Variants in PCCA observed in about 807,000 individuals in gnomAD.
The protein encoded by PCCA is propionyl-CoA carboxylase subunit alpha.
Under a neutral mutation model 101.3 loss-of-function variants are expected in PCCA, and 74 were observed. The observed-to-expected ratio is 0.73, with a 90% confidence interval of 0.61 to 0.89. PCCA has a LOEUF of 0.89. PCCA is among the 40% of genes least tolerant of loss of function. PCCA has a pLI of 0.00. For synonymous variants in PCCA, 294 were observed against 313.6 expected (o/e 0.94, Z 0.66); for missense variants, 891 against 907.0 (o/e 0.98, Z 0.23).
chr13:100,439,364 G>A (rs370396116), intron 20 of PCCA, among the ~76,000 whole-genome samples: 1 of 151,908 alleles, frequency 6.6e-6, no homozygotes, highest in African/African-American at 2.4e-5. Context: ...TTTTTAAAAC[G>A]TGGAATGATT....
chr13:100,200,928 CCTCTGTG>C (rs1271428475), intron 6 of PCCA, among the ~76,000 whole-genome samples: 1 of 152,012 alleles, frequency 6.6e-6, no homozygotes, highest in Non-Finnish European at 1.5e-5. Context: ...CTCTTTGTTG[CCTCTGTG>C]TATCTTCATT....
At chr13:100,454,093 G>A (rs1286173846) in intron 21 of PCCA, among the ~76,000 whole-genome samples, 1 of 151,706 alleles carries the variant, frequency 6.6e-6, no homozygotes, top group Non-Finnish European at 1.5e-5. Context: ...GGATGGTCTC[G>A]ATCTCCTGAC....
intron 4 of PCCA, among the ~76,000 whole-genome samples, chr13:100,146,400 C>T (rs927181985): frequency 1.3e-5 from 2 of 151,666 alleles, no homozygotes; most frequent in African/African-American, 4.8e-5. Flanking sequence ...CATGGTGAAA[C>T]CCCGTCTCCA....
At chr13:100,401,606 T>A (rs552301903) in intron 19 of PCCA, among the ~76,000 whole-genome samples, 26 of 152,292 alleles carry the variant, frequency 1.7e-4, no homozygotes, top group Middle Eastern at 3.4e-3. Flanking sequence ...CATGAGTGAA[T>A]GTAGCTTGCT....
chr13:100,356,485 A>G (rs767265146), intron 18 of PCCA, among the ~76,000 whole-genome samples: 3 of 152,190 alleles, frequency 2.0e-5, no homozygotes, highest in Non-Finnish European at 4.4e-5. Flanking sequence ...GAAATGGCCA[A>G]TAAGCCCATA....
intron 6 of PCCA, among the ~76,000 whole-genome samples, chr13:100,203,367 TCTGGTCCCTTTTTCTTTGC>T (rs1281595719): frequency 6.6e-6 from 1 of 152,102 alleles, no homozygotes; most frequent in Admixed American, 6.5e-5. Context: ...TGGATGTTAC[TCTGGTCCCTTTTTCTTTGC>T]CTTATAAAAA....
At chr13:100,209,960 T>C (rs990551496) in intron 7 of PCCA, among the ~76,000 whole-genome samples, 4 of 150,842 alleles carry the variant, frequency 2.7e-5, no homozygotes, top group Admixed American at 6.6e-5. Context: ...CTGGATTATT[T>C]TATTATTTTT....
chr13:100,226,475 C>CT, intron 7 of PCCA, among the ~76,000 whole-genome samples: 1 of 152,208 alleles, frequency 6.6e-6, no homozygotes, highest in Admixed American at 6.5e-5. Context: ...GGCGTTGACA[C>CT]TAATACCACT....
intron 1 of PCCA, among the ~76,000 whole-genome samples, chr13:100,101,619 T>G (rs1181252271): frequency 6.6e-6 from 1 of 152,148 alleles, no homozygotes; most frequent in Non-Finnish European, 1.5e-5. Context: ...TAATTTTTTC[T>G]GAGGAGTTTC....
chr13:100,404,450 A>C (rs1283282), intron 19 of PCCA, among the ~76,000 whole-genome samples: 20,208 of 152,102 alleles, frequency 0.13, 4,372 homozygotes, highest in African/African-American at 0.45. Flanking sequence ...GAGAGAACTG[A>C]GGAGGAGAAA....
At chr13:100,320,572 A>G (rs904598633) in intron 16 of PCCA, among the ~76,000 whole-genome samples, 5 of 152,158 alleles carry the variant, frequency 3.3e-5, no homozygotes, top group African/African-American at 7.2e-5. Flanking sequence ...TTCTGCATCT[A>G]TTGAGATAAT....
At chr13:100,300,442 G>A (rs1201704128) in intron 12 of PCCA, among the ~76,000 whole-genome samples, 4 of 152,202 alleles carry the variant, frequency 2.6e-5, no homozygotes, top group Non-Finnish European at 5.9e-5. Context: ...AGTTGAAGAT[G>A]GGAAGATAAT....
At chr13:100,453,957 G>A (rs12431182) in intron 21 of PCCA, among the ~76,000 whole-genome samples, 64,317 of 151,964 alleles carry the variant, frequency 0.42, 14,830 homozygotes, top group East Asian at 0.71. Flanking sequence ...TGCAAGCTCC[G>A]CCTCCTGGGT....
At chr13:100,189,694 A>G (rs894558187) in intron 6 of PCCA, among the ~76,000 whole-genome samples, 1 of 152,126 alleles carries the variant, frequency 6.6e-6, no homozygotes, top group Non-Finnish European at 1.5e-5. Flanking sequence ...CTTTGTCTCT[A>G]TATTTAAAAA....
At chr13:100,206,755 C>T (rs1420451777) in intron 6 of PCCA, among the ~76,000 whole-genome samples, 3 of 152,174 alleles carry the variant, frequency 2.0e-5, no homozygotes, top group Non-Finnish European at 2.9e-5. Context: ...TCCCCTTCCT[C>T]TCTTCCCTGA....
intron 7 of PCCA, among the ~76,000 whole-genome samples, chr13:100,210,093 T>C (rs1025972538): frequency 6.6e-6 from 1 of 152,100 alleles, no homozygotes; most frequent in African/African-American, 2.4e-5. Flanking sequence ...CCCTCCTTCT[T>C]TAGCCTCCCA....
intron 6 of PCCA, among the ~76,000 whole-genome samples, chr13:100,165,148 CTGTT>C (rs1720978796): frequency 1.3e-5 from 2 of 152,130 alleles, no homozygotes; most frequent in African/African-American, 2.4e-5. Context: ...GTATAAGTAT[CTGTT>C]TGGGTCCCTG....
At chr13:100,528,706 A>G (rs1028169043) in intron 23 of PCCA, among the ~76,000 whole-genome samples, 1 of 152,174 alleles carries the variant, frequency 6.6e-6, no homozygotes, top group Non-Finnish European at 1.5e-5. Context: ...CTGTGCTGGT[A>G]TGGTGTGAAG....
At chr13:100,322,114 G>A (rs997034658) in intron 16 of PCCA, among the ~76,000 whole-genome samples, 1 of 152,152 alleles carries the variant, frequency 6.6e-6, no homozygotes, top group South Asian at 2.1e-4. Flanking sequence ...GGTCCATGCT[G>A]CTAGGAGGCA....
Sources: allele counts gnomAD v4.1 joint callset (sites outside exome capture counted in the v4.1 genomes callset), GRCh38; gene constraint gnomAD v4.1.1; transcripts MANE v1.5; gene names NCBI Gene and HGNC (gene_info 2026-07-23, HGNC 2026-07-21).